Variants in SHPRH observed in about 807,000 individuals in gnomAD.
SHPRH encodes SNF2 histone linker PHD RING helicase, also known as E3 ubiquitin-protein ligase SHPRH.
In SHPRH, 106 loss-of-function variants were observed where a neutral mutation model predicts 202.5. The observed-to-expected ratio is 0.52, with a 90% confidence interval of 0.45 to 0.62. SHPRH has a LOEUF of 0.62. SHPRH is among the 20% of genes least tolerant of loss of function. The pLI, the probability that SHPRH is intolerant of heterozygous loss-of-function variation, is 0.00. For missense variants in SHPRH, 1,710 were observed against 2,020.0 expected (o/e 0.85, Z 2.94); for synonymous variants, 729 against 686.0 (o/e 1.06, Z -0.98).
In SHPRH at chr6:145,886,525, G is replaced by A; in HGVS notation, c.*166C>T. ...TCTTTTGGAAACAGTATATTGAAAA[G>A]GACTCAATAAGTACTAAGCCACTGT... On this transcript the variant is annotated 3_prime_UTR_variant, in exon 30 of 30. Coordinates refer to ENST00000275233, the MANE Select transcript of SHPRH (RefSeq NM_001042683.3). 1 of 1,210,232 alleles carries A rather than the reference G, an allele frequency of 8.3e-7. No individual in the cohort carries two copies. Among genetic ancestry groups the A allele is most frequent in the African/African-American group, 1.5e-5 (1 of 65,444 alleles). 75.0% of individuals were successfully genotyped at this position (1,210,232 alleles called of 1,614,324 possible).
chr6:145,931,955 A>G (rs1279520769), intron 14 of SHPRH, among the ~76,000 whole-genome samples: 3 of 149,802 alleles, frequency 2.0e-5, no homozygotes, highest in Non-Finnish European at 1.5e-5. Context: ...GTTGTCCACA[A>G]CCTCACTGAG....
Position 145,919,329 on chromosome 6 carries a change from T to A in SHPRH, c.4152+19A>T. ...CATCTGCTTGCTGTTCCCTTTTCTG[T>A]GATTTACTTGCCAATTACCTCATGT... is the stretch of plus-strand genomic sequence containing the variant. On this transcript the variant is annotated intron_variant, in intron 22 of 29. Coordinates refer to ENST00000275233, the MANE Select transcript of SHPRH (RefSeq NM_001042683.3). 6.2e-7 allele frequency: 1 copy of A among 1,612,158 alleles called. No homozygotes were observed. Among genetic ancestry groups the A allele is most frequent in the Non-Finnish European group, 8.5e-7 (1 of 1,178,848 alleles).
intron 11 of SHPRH, among the ~76,000 whole-genome samples, chr6:145,936,198 A>C (rs566211736): frequency 6.6e-6 from 1 of 152,172 alleles, no homozygotes; most frequent in Non-Finnish European, 1.5e-5. Flanking sequence ...GTGAGGACTT[A>C]ATGAAAAACT....
chr6:145,910,391 T>C lies in SHPRH; in HGVS notation c.4515+57A>G, dbSNP rs773638385. On this transcript the variant is annotated intron_variant, in intron 25 of 29. Coordinates refer to ENST00000275233, the MANE Select transcript of SHPRH (RefSeq NM_001042683.3). ...TGTTCATGCTTTCTTAATCAGATACTGCTTCCTATATTATATTGCCTTACC... is the reference window on the plus strand; with the variant it reads ...TGTTCATGCTTTCTTAATCAGATACCGCTTCCTATATTATATTGCCTTACC... 59 of 1,565,062 alleles carry C rather than the reference T, an allele frequency of 3.8e-5. No individual in the cohort carries two copies. Among genetic ancestry groups the C allele is most frequent in the African/African-American group, 8.1e-5 (6 of 73,636 alleles).
chr6:145,880,097 A>G (rs1240417655), downstream of SHPRH, among the ~76,000 whole-genome samples: 6 of 152,112 alleles, frequency 3.9e-5, no homozygotes, highest in Admixed American at 3.9e-4. Context: ...AATTTTCTCA[A>G]TGTTTAGGTT....
At chr6:145,914,213 G>T (rs1284769670) in intron 23 of SHPRH, among the ~76,000 whole-genome samples, 1 of 152,066 alleles carries the variant, frequency 6.6e-6, no homozygotes, top group Non-Finnish European at 1.5e-5. Flanking sequence ...TTTGGCAGTT[G>T]GTAGGCTATC....
In SHPRH at chr6:145,945,644, G is replaced by T; in HGVS notation, c.1322-7C>A. On this transcript the variant is annotated splice_polypyrimidine_tract_variant and splice_region_variant and intron_variant, in intron 7 of 29. Coordinates refer to ENST00000275233, the MANE Select transcript of SHPRH (RefSeq NM_001042683.3). ...AGTATCATCACACGTGTAGCTAAATGTAAAAGGATATGCTAAATCAGTCAA... is the reference window on the plus strand; with the variant it reads ...AGTATCATCACACGTGTAGCTAAATTTAAAAGGATATGCTAAATCAGTCAA... The T allele has an allele frequency of 6.3e-7, 1 of 1,594,714 alleles. No homozygotes were observed. The highest frequency in any genetic ancestry group is 8.5e-7 in the Non-Finnish European group (1 of 1,173,152).
chr6:145,902,014 A>G (rs1782546369), intron 25 of SHPRH, among the ~76,000 whole-genome samples: 1 of 152,136 alleles, frequency 6.6e-6, no homozygotes, highest in African/African-American at 2.4e-5. Context: ...GATGGGAGAC[A>G]TACAAAGTGT....
chr6:145,933,828 A>G (rs973232573), intron 13 of SHPRH, among the ~76,000 whole-genome samples: 2 of 152,122 alleles, frequency 1.3e-5, no homozygotes, highest in African/African-American at 4.8e-5. Flanking sequence ...ATTCACAAAA[A>G]CTTTCTGGGA....
chr6:145,926,158 T>C (rs748093123), intron 16 of SHPRH, 46 bp downstream of exon 16: 5 of 1,524,054 alleles, frequency 3.3e-6, no homozygotes, highest in African/African-American at 1.4e-5. Context: ...GAGCATAAAG[T>C]TTGAAGAAAA....
chr6:145,933,682 T>C (rs1261017245), intron 13 of SHPRH, among the ~76,000 whole-genome samples: 1 of 152,240 alleles, frequency 6.6e-6, no homozygotes, highest in East Asian at 1.9e-4. Flanking sequence ...AAATTTACTA[T>C]GTTCACTTCA....
At chr6:145,923,818 C>T (rs1784632262) in intron 17 of SHPRH, 33 bp from the exon 18 acceptor site, 1 of 1,595,902 alleles carries the variant, frequency 6.3e-7, no homozygotes, top group African/African-American at 1.3e-5. Flanking sequence ...TCAATTAATA[C>T]ATTTTTTTTA....
chr6:145,901,646 GTT>G (rs940796056), intron 25 of SHPRH, among the ~76,000 whole-genome samples: 2 of 152,102 alleles, frequency 1.3e-5, no homozygotes, highest in Non-Finnish European at 2.9e-5. Flanking sequence ...AAGCTGGAAT[GTT>G]ATGCATTAGG....
At position 145,926,065 on chromosome 6, in the gene SHPRH, C is replaced by T. The variant is rs749583140; in HGVS notation, c.3294+139G>A. 9.8e-6 allele frequency: 8 copies of T among 817,752 alleles called. No homozygotes were observed. In the African/African-American group the frequency reaches 1.2e-4, roughly 12 times the overall value. 50.7% of individuals were successfully genotyped at this position (817,752 alleles called of 1,614,324 possible). A position where few individuals can be genotyped will look rare whatever the true frequency, so the allele number is the denominator to read the frequency against. ...CATTCTCTGCTACCCAAAATCACAA[C>T]AAAATTCGAAACATCAAAGTAACAG... is the stretch of plus-strand genomic sequence containing the variant. On this transcript the variant is annotated intron_variant, in intron 16 of 29. Transcript: ENST00000275233.
intron 6 of SHPRH, among the ~76,000 whole-genome samples, chr6:145,946,969 G>A (rs1315402255): frequency 1.3e-5 from 2 of 151,910 alleles, no homozygotes; most frequent in South Asian, 2.1e-4. Flanking sequence ...TGCCTTAGTG[G>A]ACTTTGTTTC....
At chr6:145,921,068 G>C (rs1013822258) in intron 21 of SHPRH, 99 bp downstream of exon 21, 6 of 1,046,592 alleles carry the variant, frequency 5.7e-6, no homozygotes, top group Non-Finnish European at 8.1e-6. Context: ...AATCTCAAAA[G>C]AAGATTTTAA....
chr6:145,890,695 C>T (rs989600338), intron 28 of SHPRH, among the ~76,000 whole-genome samples: 1 of 152,134 alleles, frequency 6.6e-6, no homozygotes, highest in Non-Finnish European at 1.5e-5. Context: ...ACTTAATGGA[C>T]TTGTACATCT....
Position 145,945,192 on chromosome 6 carries a change from C to T in SHPRH, c.1578+189G>A, listed in dbSNP as rs878914454. Among the ~76,000 whole-genome samples, 10 of 152,058 alleles carry T rather than the reference C, an allele frequency of 6.6e-5. 1 individual carries two copies. The South Asian group carries it at 2.1e-3, about 32-fold the overall frequency. On this transcript the variant is annotated intron_variant, in intron 8 of 29. Coordinates refer to ENST00000275233, the MANE Select transcript of SHPRH (RefSeq NM_001042683.3). ...ATTATTCTCTAGGTTTAATGATAGC[C>T]AAAGTAAAGTTACTCTCACGGAGTT...
intron 20 of SHPRH, among the ~76,000 whole-genome samples, chr6:145,921,917 T>G (rs1410369286): frequency 1.3e-5 from 2 of 152,042 alleles, no homozygotes; most frequent in Non-Finnish European, 2.9e-5. Context: ...CATATTTGAT[T>G]GTGTCATTCT....
Sources: allele counts gnomAD v4.1 joint callset (sites outside exome capture counted in the v4.1 genomes callset), GRCh38; gene constraint gnomAD v4.1.1; transcripts MANE v1.5; gene names NCBI Gene and HGNC (gene_info 2026-07-23, HGNC 2026-07-21).